OR8K3: variants seen among roughly 807,000 people sequenced by gnomAD.
OR8K3 encodes the protein olfactory receptor family 8 subfamily K member 3 (gene/pseudogene).
For missense variants in OR8K3, 448 were observed against 367.4 expected, an observed-to-expected ratio of 1.22 and a Z score of -1.79; for synonymous variants, 167 against 138.8, an observed-to-expected ratio of 1.20 and a Z score of -1.43.
Position 56,319,038 on chromosome 11 carries a change from G to T in OR8K3, c.732G>T (p.Leu244=). 6.2e-7 allele frequency: 1 copy of T among 1,614,122 alleles called. No individual in the cohort carries two copies. The highest frequency in any genetic ancestry group is 8.5e-7 in the Non-Finnish European group (1 of 1,180,010). ...CTTTTTCTACCTGTGGAGCCCACCT[G>T]ACAGTGGTCATAGTGTTCTATGGGA... ...QKAFSTCGAH[L]TVVIVFYGTL... Residue 244 remains leucine, a synonymous_variant, in exon 3 of 3, where the codon CTG becomes CTT. Coordinates refer to ENST00000641662, the MANE Select transcript of OR8K3 (RefSeq NM_001005202.2).
Position 56,320,390 on chromosome 11 carries a change from T to C in OR8K3, c.*1145T>C, listed in dbSNP as rs1854509398. ...CAAGTGAGGTCTGATCTGTATGCAA[T>C]GATATCGTTATCTTGCCTTTTAAAC... On this transcript the variant is annotated 3_prime_UTR_variant, in exon 3 of 3. Transcript: ENST00000641662. 6.6e-6 allele frequency: 1 copy of C among 152,228 alleles called. No individual in the cohort carries two copies. Among genetic ancestry groups the C allele is most frequent in the Non-Finnish European group, 1.5e-5 (1 of 68,036 alleles). The allele number at this position is 152,228 out of a possible 1,614,324, so 9.4% of individuals were successfully genotyped here. A position where few individuals can be genotyped will look rare whatever the true frequency, so the allele number is the denominator to read the frequency against.
chr11:56,318,112 T>G (rs1854468739), intron 2 of OR8K3, among the ~76,000 whole-genome samples, 172 bp from the exon 3 acceptor site: 1 of 152,184 alleles, frequency 6.6e-6, no homozygotes, highest in East Asian at 1.9e-4. Context: ...AAACTGCTGA[T>G]CTGCCTTATC....
At position 56,318,411 on chromosome 11, in the gene OR8K3, TGTGATCTCA is replaced by T. The variant is rs1565108228; in HGVS notation, c.111_119del (p.Ile37_Val39del). On this transcript the variant is annotated inframe_deletion, in exon 3 of 3. Coordinates refer to ENST00000641662, the MANE Select transcript of OR8K3 (RefSeq NM_001005202.2). ...TATTTGCATTGTTCCTCATGATCTA[TGTGATCTCA>T]GTGATGGGCAATTTGGGCATGATTG... is the stretch of plus-strand genomic sequence containing the variant. The T allele has an allele frequency of 1.2e-6, 2 of 1,613,936 alleles. No homozygotes were observed. Among genetic ancestry groups the T allele is most frequent in the South Asian group, 2.2e-5 (2 of 91,070 alleles).
intron 2 of OR8K3, among the ~76,000 whole-genome samples, chr11:56,316,724 T>C (rs1854447595): frequency 6.6e-6 from 1 of 151,984 alleles, no homozygotes; most frequent in Non-Finnish European, 1.5e-5. Flanking sequence ...TAATCTACAG[T>C]ATCCTTTTAC....
At chr11:56,316,394 C>CT (rs1349353276) in intron 2 of OR8K3, among the ~76,000 whole-genome samples, 4 of 149,274 alleles carry the variant, frequency 2.7e-5, no homozygotes, top group Non-Finnish European at 1.5e-5. Flanking sequence ...AAACTATTTT[C>CT]TTTCTTTTCT....
rs1198725923 is a variant in OR8K3, at chr11:56,315,981, A to C, written c.-81-19A>C. 6.6e-6 allele frequency: 1 copy of C among 152,068 alleles called. No homozygotes were observed. The highest frequency in any genetic ancestry group is 1.5e-5 in the Non-Finnish European group (1 of 67,934). The allele number at this position is 152,068 out of a possible 1,614,324, so 9.4% of individuals were successfully genotyped here. A position where few individuals can be genotyped will look rare whatever the true frequency, so the allele number is the denominator to read the frequency against. On this transcript the variant is annotated intron_variant, in intron 1 of 2. Coordinates refer to ENST00000641662, the MANE Select transcript of OR8K3 (RefSeq NM_001005202.2). ...AAGACAGCAAAATATGAAAAAAAGC[A>C]ATCTGGTTCTTTCCACAGAACTCCA...
In OR8K3 at chr11:56,318,588, T is replaced by G; in HGVS notation, c.282T>G (p.Tyr94Ter). ...TTGTGGATAAGAATATAATTTCTTA[T>G]TATTTTTGTGCAACACAGCTAGCTT... ...NFVVDKNIISYYFCATQLAFF... is the reference protein window; with the variant it reads ...NFVVDKNIIS Residue 94 changes from tyrosine to a stop codon, truncating the protein, a stop_gained, in exon 3 of 3, where the codon TAT becomes TAG. Coordinates refer to ENST00000641662, the MANE Select transcript of OR8K3 (RefSeq NM_001005202.2). LOFTEE classifies it low-confidence loss of function (END_TRUNC). The G allele has an allele frequency of 6.2e-7, 1 of 1,613,598 alleles. No individual in the cohort carries two copies. Among genetic ancestry groups the G allele is most frequent in the Non-Finnish European group, 8.5e-7 (1 of 1,179,776 alleles).
Position 56,319,150 on chromosome 11 carries a change from C to CCCA in OR8K3, c.845_847dup (p.Pro282_Met283insThr), listed in dbSNP as rs765466615. 6.2e-6 allele frequency: 10 copies of CCCA among 1,613,072 alleles called. No individual in the cohort carries two copies. In the East Asian group the frequency reaches 2.2e-4, roughly 36 times the overall value. On this transcript the variant is annotated inframe_insertion, in exon 3 of 3. Coordinates refer to ENST00000641662, the MANE Select transcript of OR8K3 (RefSeq NM_001005202.2). ...TTCCATATTTTACACCCTGGTTATCCCCATGTTGAATCCCTTGATCTATAG... is the reference window on the plus strand; with the variant it reads ...TTCCATATTTTACACCCTGGTTATCCCCACCATGTTGAATCCCTTGATCTATAG...
intron 2 of OR8K3, among the ~76,000 whole-genome samples, chr11:56,317,252 C>A (rs1854456190): frequency 6.6e-6 from 1 of 152,050 alleles, no homozygotes; most frequent in African/African-American, 2.4e-5. Flanking sequence ...TGTTTTAGAA[C>A]TACTTCTAGG....
At position 56,319,772 on chromosome 11, in the gene OR8K3, C is replaced by T. The variant is rs778689949; in HGVS notation, c.*527C>T. On this transcript the variant is annotated 3_prime_UTR_variant, in exon 3 of 3. Coordinates refer to ENST00000641662, the MANE Select transcript of OR8K3 (RefSeq NM_001005202.2). ...TGATATGTGATGATTTTAAGTCTTA[C>T]AGATGTGCTCGAATAATTACTATTC... The T allele has an allele frequency of 2.0e-5, 3 of 153,122 alleles. No homozygotes were observed. The highest frequency in any genetic ancestry group is 6.5e-5 in the Admixed American group (1 of 15,428). 9.5% of individuals were successfully genotyped at this position (153,122 alleles called of 1,614,324 possible). A position where few individuals can be genotyped will look rare whatever the true frequency, so the allele number is the denominator to read the frequency against.
Position 56,318,511 on chromosome 11 carries a change from A to G in OR8K3, c.205A>G (p.Met69Val). 6.2e-7 allele frequency: 1 copy of G among 1,614,050 alleles called. No individual in the cohort carries two copies. Among genetic ancestry groups the G allele is most frequent in the Non-Finnish European group, 8.5e-7 (1 of 1,179,932 alleles). ...MYFFLRHLAF[M>V]DLGYSTTVGP... is the part of the protein sequence containing the mutation. ...CTTTTTTCTCAGACATCTGGCTTTC[A>G]TGGATCTTGGTTATTCAACAACTGT... is the stretch of plus-strand genomic sequence containing the variant. The change falls in exon 3 of 3, where the codon ATG becomes GTG. Residue 69 changes from methionine to valine, a missense_variant. Coordinates refer to ENST00000641662, the MANE Select transcript of OR8K3 (RefSeq NM_001005202.2).
chr11:56,319,541 G>A lies in OR8K3; in HGVS notation c.*296G>A, dbSNP rs1590839732. The A allele has an allele frequency of 3.5e-6, 1 of 284,794 alleles. No homozygotes were observed. The highest frequency in any genetic ancestry group is 6.6e-6 in the Non-Finnish European group (1 of 151,084). 17.6% of individuals were successfully genotyped at this position (284,794 alleles called of 1,614,324 possible). A position where few individuals can be genotyped will look rare whatever the true frequency, so the allele number is the denominator to read the frequency against. ...GACAAGGAAAGCTAGTATGCTGGGT[G>A]GCAGTAGGAAACAGTGGTCATTACA... On this transcript the variant is annotated 3_prime_UTR_variant, in exon 3 of 3. Transcript: ENST00000641662.
chr11:56,318,709 AT>A lies in OR8K3; in HGVS notation c.404del (p.Ile135ThrfsTer11). The A allele has an allele frequency of 6.2e-7, 1 of 1,614,020 alleles. No homozygotes were observed. The highest frequency in any genetic ancestry group is 8.5e-7 in the Non-Finnish European group (1 of 1,179,930). ...CTGTAACCCTCTGCTATACACAGTA[AT>A]CATGTCACGAAGGGTATGTCAGGTG... ...AICNPLLYTV[I>X]MSRRVCQVLV... On this transcript the variant is annotated frameshift_variant, in exon 3 of 3. Transcript: ENST00000641662. LOFTEE classifies it low-confidence loss of function (END_TRUNC).
chr11:56,318,644 T>C lies in OR8K3; in HGVS notation c.338T>C (p.Phe113Ser). Reference sequence around the variant, plus strand: ...CTTGTGTTCATTGGTAGTGAACTTTTTATTCTCTCAGCCATGTCCTACGAC... The same window carrying C: ...CTTGTGTTCATTGGTAGTGAACTTTCTATTCTCTCAGCCATGTCCTACGAC... The part of the protein sequence containing the change: ...FFLVFIGSEL[F>S]ILSAMSYDLY... Residue 113 changes from phenylalanine (F) to serine (S), a missense_variant, in exon 3 of 3, where the codon TTT (phenylalanine) becomes TCT (serine). Phe to Ser is a radical substitution (Grantham distance 155). Transcript: ENST00000641662. The C allele has an allele frequency of 6.2e-7, 1 of 1,613,880 alleles. No homozygotes were observed. Among genetic ancestry groups the C allele is most frequent in the Non-Finnish European group, 8.5e-7 (1 of 1,179,758 alleles).
chr11:56,315,891 T>C (rs559414366), intron 1 of OR8K3, 109 bp from the exon 2 acceptor site: 3 of 151,798 alleles, frequency 2.0e-5, no homozygotes, highest in South Asian at 2.1e-4. Context: ...CCACTAAGAG[T>C]TGACAAAAGC....
intron 2 of OR8K3, among the ~76,000 whole-genome samples, chr11:56,316,824 C>T (rs1396668828): frequency 6.6e-6 from 1 of 151,918 alleles, no homozygotes; most frequent in Non-Finnish European, 1.5e-5. Flanking sequence ...CCTCAAACTC[C>T]CCTAAGATTT....
Position 56,318,492 on chromosome 11 carries a change from T to G in OR8K3, c.186T>G (p.Phe62Leu). 1 of 1,614,102 alleles carries G rather than the reference T, an allele frequency of 6.2e-7. No homozygotes were observed. The highest frequency in any genetic ancestry group is 8.5e-7 in the Non-Finnish European group (1 of 1,179,962). The stretch of plus-strand genomic sequence containing the variant: ...GGTTGCAAACCCCTATGTACTTTTT[T>G]CTCAGACATCTGGCTTTCATGGATC... Reference protein sequence around the residue: ...DSRLQTPMYFFLRHLAFMDLG... With the variant: ...DSRLQTPMYFLLRHLAFMDLG... Residue 62 changes from phenylalanine to leucine, a missense_variant, in exon 3 of 3, where the codon TTT becomes TTG. By Grantham distance (22) the Phe-to-Leu change is conservative. Transcript: ENST00000641662.
chr11:56,316,766 A>G (rs924036864), intron 2 of OR8K3, among the ~76,000 whole-genome samples: 1 of 151,990 alleles, frequency 6.6e-6, no homozygotes, highest in Admixed American at 6.6e-5. Context: ...TTTTCATTAT[A>G]CAAAACCAAT....
rs1854501694 is a variant in OR8K3 at position 56,319,851 on chromosome 11, G to A, written c.*606G>A. On this transcript the variant is annotated 3_prime_UTR_variant, in exon 3 of 3. Coordinates refer to ENST00000641662, the MANE Select transcript of OR8K3 (RefSeq NM_001005202.2). ...TCAATGTTTTTATTTCCACATAGAA[G>A]TCTGTTAACCGAACATACTTTGTAG... 6.6e-6 allele frequency: 1 copy of A among 152,312 alleles called. No individual in the cohort carries two copies. Among genetic ancestry groups the A allele is most frequent in the Admixed American group, 6.5e-5 (1 of 15,294 alleles). The allele number at this position is 152,312 out of a possible 1,614,324, so 9.4% of individuals were successfully genotyped here.
Sources: allele counts gnomAD v4.1 joint callset (sites outside exome capture counted in the v4.1 genomes callset), GRCh38; gene constraint gnomAD v4.1.1; transcripts MANE v1.5; gene names NCBI Gene and HGNC (gene_info 2026-07-23, HGNC 2026-07-21).